RBMS3: variants seen among roughly 807,000 people sequenced by gnomAD.
RBMS3 encodes the protein RNA-binding motif, single-stranded-interacting protein 3.
A neutral mutation model predicts 66.8 loss-of-function variants in RBMS3; 27 were observed. The observed-to-expected ratio is 0.40, with a 90% CI of 0.30 to 0.56. RBMS3 has a LOEUF of 0.56. RBMS3 is among the 20% of genes least tolerant of loss of function. RBMS3 has a pLI of 0.40. For missense variants in RBMS3, 513 were observed against 549.5 expected (o/e 0.93, Z 0.66); for synonymous variants, 188 against 183.0 (o/e 1.03, Z -0.22).
intron 5 of RBMS3, among the ~76,000 whole-genome samples, chr3:29,745,593 G>T (rs917247286): frequency 6.6e-6 from 1 of 152,128 alleles, no homozygotes; most frequent in East Asian, 1.9e-4. Flanking sequence ...AGTGATGGGT[G>T]GGGGACAGGG....
At chr3:29,500,982 A>G (rs2148936575) in intron 3 of RBMS3, among the ~76,000 whole-genome samples, 1 of 152,308 alleles carries the variant, frequency 6.6e-6, no homozygotes, top group East Asian at 1.9e-4. Flanking sequence ...AGGAATCTTG[A>G]AATGAAATCC....
At chr3:29,411,228 C>T (rs75482754) in intron 1 of RBMS3, among the ~76,000 whole-genome samples, 16,983 of 152,094 alleles carry the variant, frequency 0.11, 1,358 homozygotes, top group Admixed American at 0.25. Flanking sequence ...TCATTCTCAA[C>T]GAAGGTAAGG....
chr3:29,589,386 C>CA (rs1559492447), intron 4 of RBMS3, among the ~76,000 whole-genome samples: 1 of 152,040 alleles, frequency 6.6e-6, no homozygotes, highest in African/African-American at 2.4e-5. Context: ...GCCCACTGTA[C>CA]AAAAAATGAG....
intron 2 of RBMS3, among the ~76,000 whole-genome samples, chr3:29,436,479 T>C (rs763188071): frequency 5.9e-5 from 9 of 152,222 alleles, no homozygotes; most frequent in Non-Finnish European, 1.0e-4. Flanking sequence ...CATACAAATA[T>C]ACGTTAGATT....
chr3:29,430,267 C>T (rs867356716), intron 1 of RBMS3, among the ~76,000 whole-genome samples: 46 of 152,186 alleles, frequency 3.0e-4, no homozygotes, highest in African/African-American at 4.6e-4. Context: ...GTGTTAAAAT[C>T]TGTGGATTGA....
At chr3:29,854,997 T>C (rs374248821) in intron 6 of RBMS3, among the ~76,000 whole-genome samples, 2 of 152,226 alleles carry the variant, frequency 1.3e-5, no homozygotes, top group African/African-American at 4.8e-5. Context: ...AATTTTTGCA[T>C]GTGCCTCAAT....
chr3:29,487,041 A>G (rs76923566), intron 2 of RBMS3, among the ~76,000 whole-genome samples: 14,007 of 152,218 alleles, frequency 0.092, 838 homozygotes, highest in African/African-American at 0.17. Context: ...AGATACATAT[A>G]ATTTTGCAAA....
In RBMS3 at chr3:29,609,828, C is replaced by A. The variant is rs570389695; in HGVS notation, c.399+22623C>A. On this transcript the variant is annotated intron_variant, in intron 4 of 14. Transcript: ENST00000383767. ...GTGTATATGTCAGTGTCAGGATGTG[C>A]AGAGCTTCCTTTCTAATCAGATGCA... Among the ~76,000 whole-genome samples the A allele has an allele frequency of 7.9e-5, 12 of 152,104 alleles. No homozygotes were observed. The East Asian group carries it at 2.3e-3, about 30-fold the overall frequency.
chr3:29,789,621 G>A (rs1336597002), intron 6 of RBMS3, among the ~76,000 whole-genome samples: 3 of 151,960 alleles, frequency 2.0e-5, no homozygotes, highest in African/African-American at 4.8e-5. Flanking sequence ...TTGATAATTA[G>A]TATTTTACAT....
At chr3:29,965,545 C>G (rs1696776085) in intron 12 of RBMS3, among the ~76,000 whole-genome samples, 1 of 152,018 alleles carries the variant, frequency 6.6e-6, no homozygotes, top group South Asian at 2.1e-4. Context: ...ATTGTCTATT[C>G]ACGTCCTTGG....
At chr3:29,997,593 G>A (rs1309467701) in intron 14 of RBMS3, among the ~76,000 whole-genome samples, 1 of 151,114 alleles carries the variant, frequency 6.6e-6, no homozygotes, top group African/African-American at 2.5e-5. Flanking sequence ...CTTCATCCCT[G>A]GGAGGCAAGG....
intron 1 of RBMS3, among the ~76,000 whole-genome samples, chr3:29,396,033 C>T (rs2039531872): frequency 1.3e-5 from 2 of 151,992 alleles, no homozygotes; most frequent in Admixed American, 6.6e-5. Flanking sequence ...AAAATTGTAA[C>T]TATACAATGG....
intron 4 of RBMS3, among the ~76,000 whole-genome samples, chr3:29,721,253 ACACATG>A (rs1325488413): frequency 1.7e-4 from 26 of 152,166 alleles, no homozygotes; most frequent in Non-Finnish European, 1.5e-5. Flanking sequence ...ACATCCTTGC[ACACATG>A]TAAGGACTCT....
intron 6 of RBMS3, among the ~76,000 whole-genome samples, chr3:29,769,234 A>C (rs541217291): frequency 6.6e-6 from 1 of 151,902 alleles, no homozygotes; most frequent in Non-Finnish European, 1.5e-5. Flanking sequence ...TGGCATGGCC[A>C]ACTTGAGAAC....
chr3:29,417,585 A>C (rs1179240844), intron 1 of RBMS3, among the ~76,000 whole-genome samples: 1 of 152,176 alleles, frequency 6.6e-6, no homozygotes, highest in Admixed American at 6.5e-5. Context: ...TTCCAGTTAA[A>C]AAGAATGTCC....
chr3:29,875,145 A>T (rs1234437870), intron 7 of RBMS3, among the ~76,000 whole-genome samples: 1 of 152,152 alleles, frequency 6.6e-6, no homozygotes, highest in East Asian at 1.9e-4. Context: ...TGTGGCACCT[A>T]CCAACTGGGA....
At chr3:29,914,807 G>A (rs983623891) in intron 10 of RBMS3, among the ~76,000 whole-genome samples, 2 of 151,846 alleles carry the variant, frequency 1.3e-5, no homozygotes, top group Non-Finnish European at 2.9e-5. Context: ...TTGATGTAAA[G>A]GTTTCAGAAA....
intron 1 of RBMS3, among the ~76,000 whole-genome samples, chr3:29,339,294 C>G (rs1321079434): frequency 6.6e-5 from 10 of 152,152 alleles, no homozygotes; most frequent in African/African-American, 2.4e-4. Flanking sequence ...ATGGCATTTA[C>G]AAATGAAAAT....
intron 4 of RBMS3, among the ~76,000 whole-genome samples, chr3:29,713,715 G>A (rs1576594719): frequency 6.6e-6 from 1 of 152,052 alleles, no homozygotes; most frequent in Non-Finnish European, 1.5e-5. Flanking sequence ...CATATATACT[G>A]TCCTGAGAGC....
Sources: allele counts gnomAD v4.1 joint callset (sites outside exome capture counted in the v4.1 genomes callset), GRCh38; gene constraint gnomAD v4.1.1; transcripts MANE v1.5; gene names NCBI Gene and HGNC (gene_info 2026-07-23, HGNC 2026-07-21).